Variants in NGDN observed in about 807,000 individuals in gnomAD.
NGDN encodes the protein EIF4E-binding protein.
In NGDN, 41 loss-of-function variants were observed where a neutral mutation model predicts 45.2. The observed-to-expected ratio is 0.91, with a 90% CI of 0.71 to 1.18. NGDN has a LOEUF of 1.18. Ranked by LOEUF, NGDN falls within the 50% of genes most tolerant of loss-of-function variation. NGDN has a pLI of 0.00. For missense variants in NGDN, 402 were observed against 399.9 expected (o/e 1.01, Z -0.05); for synonymous variants, 137 against 130.9 (o/e 1.05, Z -0.32).
rs113198219 is a variant in NGDN at position 23,473,199 on chromosome 14, A to G, written c.145-1972A>G. On this transcript the variant is annotated intron_variant, in intron 3 of 10. Coordinates refer to ENST00000408901, the MANE Select transcript of NGDN (RefSeq NM_001042635.2). ...TTTTTAGTAAAGACGAGGTTTTACCATGTTAGCCAGGCTGGTCTCGAACTC... is the reference window on the plus strand; with the variant it reads ...TTTTTAGTAAAGACGAGGTTTTACCGTGTTAGCCAGGCTGGTCTCGAACTC... Among the ~76,000 whole-genome samples, 530 of 152,184 alleles carry G rather than the reference A, an allele frequency of 3.5e-3. 1 individual carries two copies. The highest frequency in any genetic ancestry group is 5.9e-3 in the Non-Finnish European group (404 of 68,002).
At chr14:23,471,239 C>G (rs890684299) in intron 3 of NGDN, 2 of 345,744 alleles carry the variant, frequency 5.8e-6, no homozygotes, top group Non-Finnish European at 1.0e-5. Context: ...GGATTCAGGA[C>G]AGGCTTCCCA....
chr14:23,471,379 C>G (rs1168365757), intron 3 of NGDN: 1 of 166,706 alleles, frequency 6.0e-6, no homozygotes, highest in African/African-American at 2.4e-5. Flanking sequence ...GATGTACTTT[C>G]TGTGTTATGT....
chr14:23,469,976 C>A, intron 1 of NGDN, 66 bp from the exon 2 acceptor site: 1 of 1,549,082 alleles, frequency 6.5e-7, no homozygotes, highest in Non-Finnish European at 8.9e-7. Flanking sequence ...CCACCCTAGA[C>A]GTTCCACTTT....
chr14:23,471,447 C>A (rs1893776409), intron 3 of NGDN: 2 of 153,594 alleles, frequency 1.3e-5, no homozygotes, highest in African/African-American at 4.8e-5. Flanking sequence ...TGTAGGCCAA[C>A]TGAGGAGTTA....
intron 4 of NGDN, 86 bp from the exon 5 acceptor site, chr14:23,475,472 C>A: frequency 2.1e-6 from 3 of 1,403,456 alleles, no homozygotes; most frequent in Non-Finnish European, 3.0e-6. Context: ...ATTTTAGGTG[C>A]CTTATGTGGC....
intron 10 of NGDN, 76 bp from the exon 11 acceptor site, chr14:23,477,931 C>T (rs1893942087): frequency 6.2e-7 from 1 of 1,613,710 alleles, no homozygotes; most frequent in South Asian, 1.1e-5. Context: ...GCCCTTCCCT[C>T]TAGATGTCCT....
chr14:23,473,079 G>A (rs1002657377), intron 3 of NGDN, among the ~76,000 whole-genome samples: 1 of 152,066 alleles, frequency 6.6e-6, no homozygotes, highest in Non-Finnish European at 1.5e-5. Context: ...GGCTCACTGC[G>A]GCCTCTGCCT....
Position 23,475,255 on chromosome 14 carries a change from G to A in NGDN, c.229G>A (p.Gly77Arg). Reference protein sequence around the residue: ...LTHLILDKASGGSLQGHDAVL... With the variant: ...LTHLILDKASRGSLQGHDAVL... ...CCACCTCATTCTGGACAAAGCCTCA[G>A]GAGGATCTCTTCAGGGACATGATGC... is the stretch of plus-strand genomic sequence containing the variant. The change falls in exon 4 of 11, where the codon GGA (glycine) becomes AGA (arginine). Residue 77 changes from glycine (G) to arginine (R), a missense_variant. Transcript: ENST00000408901. 6.2e-7 allele frequency: 1 copy of A among 1,614,054 alleles called. No individual in the cohort carries two copies. The highest frequency in any genetic ancestry group is 8.5e-7 in the Non-Finnish European group (1 of 1,179,910).
At chr14:23,477,917 G>A in intron 10 of NGDN, 90 bp from the exon 11 acceptor site, 2 of 1,612,804 alleles carry the variant, frequency 1.2e-6, no homozygotes, top group Non-Finnish European at 1.7e-6. Context: ...CCCCACCCCT[G>A]TGAGCCCTTC....
downstream of NGDN, chr14:23,478,241 G>C (rs1013666245): frequency 2.3e-4 from 106 of 454,836 alleles, no homozygotes; most frequent in Non-Finnish European, 3.8e-4. Flanking sequence ...TTTGGTGAGT[G>C]GTTGGTGAAA....
intron 2 of NGDN, 64 bp from the exon 3 acceptor site, chr14:23,470,842 C>T (rs1282632089): frequency 6.8e-6 from 9 of 1,316,564 alleles, no homozygotes; most frequent in East Asian, 2.6e-5. Context: ...AGCTTTTGCT[C>T]TTCACAGTTT....
chr14:23,471,047 T>C, intron 3 of NGDN, 70 bp downstream of exon 3: 1 of 1,069,404 alleles, frequency 9.4e-7, no homozygotes, highest in Non-Finnish European at 1.3e-6. Flanking sequence ...TGTATGTTTA[T>C]TGTGTCTTAT....
intron 3 of NGDN, among the ~76,000 whole-genome samples, chr14:23,472,603 C>G (rs527479792): frequency 6.6e-6 from 1 of 152,318 alleles, no homozygotes; most frequent in East Asian, 1.9e-4. Flanking sequence ...AAGAACAACT[C>G]TGGATCTCTC....
Position 23,478,048 on chromosome 14 carries a change from TA to T in NGDN, c.*23del, listed in dbSNP as rs764266560. 6.2e-7 allele frequency: 1 copy of T among 1,611,920 alleles called. No individual in the cohort carries two copies. Among genetic ancestry groups the T allele is most frequent in the South Asian group, 1.1e-5 (1 of 91,042 alleles). On this transcript the variant is annotated 3_prime_UTR_variant, in exon 11 of 11. Transcript: ENST00000408901. ...GTGATTATGGGTGTACATATTTGTA[TA>T]TTTTTTGTCATCCTGAGATACTTCT...
intron 3 of NGDN, among the ~76,000 whole-genome samples, chr14:23,472,150 A>G (rs1893793061): frequency 1.4e-5 from 2 of 145,324 alleles, no homozygotes; most frequent in African/African-American, 2.6e-5. Flanking sequence ...GCACCATCGC[A>G]CTGCAGCCTG....
chr14:23,475,999 C>G, intron 6 of NGDN, 30 bp from the exon 7 acceptor site: 1 of 1,613,864 alleles, frequency 6.2e-7, no homozygotes. Context: ...TGAATGCTTC[C>G]TAAATTTGCA....
chr14:23,477,390 C>A, intron 9 of NGDN, 34 bp downstream of exon 9: 11 of 1,613,140 alleles, frequency 6.8e-6, no homozygotes, highest in Non-Finnish European at 9.3e-6. Flanking sequence ...TAGGATGTGA[C>A]TTTCATGCTT....
intron 3 of NGDN, 117 bp from the exon 4 acceptor site, chr14:23,475,054 A>C: frequency 9.8e-7 from 1 of 1,022,104 alleles, no homozygotes; most frequent in Admixed American, 2.6e-5. Flanking sequence ...CCAGATACCT[A>C]ATATGAACTG....
At position 23,477,258 on chromosome 14, in the gene NGDN, C is replaced by T. The variant is rs369717500; in HGVS notation, c.772C>T (p.Arg258Trp). The T allele has an allele frequency of 2.4e-5, 38 of 1,613,976 alleles. No homozygotes were observed. The highest frequency in any genetic ancestry group is 1.5e-4 in the African/African-American group (11 of 74,902). Reference protein sequence around the residue: ...RLSVSKREKGRRKRANVMSSQ... With the variant: ...RLSVSKREKGWRKRANVMSSQ... The stretch of plus-strand genomic sequence containing the variant: ...GAGCGTCAGTAAGCGAGAGAAAGGA[C>T]GGCGAAAACGAGCAAATGTCATGAG... Residue 258 changes from arginine to tryptophan, a missense_variant, in exon 9 of 11, where the codon CGG becomes TGG. Coordinates refer to ENST00000408901, the MANE Select transcript of NGDN (RefSeq NM_001042635.2).
Sources: gnomAD v4.1 joint callset for allele counts (sites outside exome capture counted in the v4.1 genomes callset) on GRCh38, gnomAD v4.1.1 for gene constraint, MANE v1.5 for transcripts, NCBI Gene and HGNC (gene_info 2026-07-23, HGNC 2026-07-21) for gene names.